The following PXDNL variants were observed in gnomAD, a reference collection of about 807,000 sequenced individuals.
PXDNL encodes the protein probable oxidoreductase PXDNL.
A neutral mutation model predicts 150.8 loss-of-function variants in PXDNL; 145 were observed. That is an observed-to-expected ratio of 0.96 (90% CI 0.84 to 1.10). The LOEUF (loss-of-function observed/expected upper bound fraction) is 1.10. Among genes scored for constraint, PXDNL ranks in the 50% least tolerant of loss-of-function variants. PXDNL has a pLI of 0.00. For synonymous variants in PXDNL, 757 were observed against 725.7 expected (o/e 1.04, Z -0.69); for missense variants, 2,087 against 1,873.9 (o/e 1.11, Z -2.10).
intron 17 of PXDNL, among the ~76,000 whole-genome samples, chr8:51,405,959 A>C (rs148255812): frequency 3.3e-4 from 50 of 152,340 alleles, no homozygotes; most frequent in Middle Eastern, 3.4e-3. Context: ...TAGGCATGAA[A>C]GGAACAAATA....
chr8:51,621,716 G>A (rs1005477203), intron 2 of PXDNL, among the ~76,000 whole-genome samples: 2 of 152,114 alleles, frequency 1.3e-5, no homozygotes, highest in Non-Finnish European at 2.9e-5. Flanking sequence ...GAGGTGGGCG[G>A]ATCACTTGAG....
intron 1 of PXDNL, among the ~76,000 whole-genome samples, chr8:51,696,524 T>G (rs550306256): frequency 1.3e-5 from 2 of 152,316 alleles, no homozygotes; most frequent in Non-Finnish European, 2.9e-5. Context: ...CTGATTCAAC[T>G]GGGAGGATCT....
intron 1 of PXDNL, among the ~76,000 whole-genome samples, chr8:51,710,284 T>A (rs1816469487): frequency 1.3e-5 from 2 of 152,306 alleles, no homozygotes; most frequent in South Asian, 4.1e-4. Flanking sequence ...AACATGAAAT[T>A]GTCTCTTTTT....
chr8:51,408,748 T>C lies in PXDNL; in HGVS notation c.2876A>G (p.His959Arg). 1 of 1,586,148 alleles carries C rather than the reference T, an allele frequency of 6.3e-7. No homozygotes were observed. Among genetic ancestry groups the C allele is most frequent in the Non-Finnish European group, 8.6e-7 (1 of 1,166,282 alleles). ...QESPCFLAGDHRANEHLALAA... is the reference protein window; with the variant it reads ...QESPCFLAGDRRANEHLALAA... Reference sequence around the variant, plus strand: ...CAGAGCCAGATGCTCGTTGGCCCGGTGGTCCCCGGCCAGGAAACAGGGGCT... The same window carrying C: ...CAGAGCCAGATGCTCGTTGGCCCGGCGGTCCCCGGCCAGGAAACAGGGGCT... Residue 959 changes from histidine (H) to arginine (R), a missense_variant, in exon 17 of 23, where the codon CAC becomes CGC. His to Arg is a conservative substitution (Grantham distance 29, BLOSUM62 0). Transcript: ENST00000356297.
chr8:51,540,940 G>T (rs1812201990), intron 4 of PXDNL, among the ~76,000 whole-genome samples: 1 of 151,054 alleles, frequency 6.6e-6, no homozygotes, highest in Non-Finnish European at 1.5e-5. Context: ...CTTGGGTGCA[G>T]ATGTTGTTAT....
At chr8:51,576,328 C>A (rs1813053528) in intron 3 of PXDNL, among the ~76,000 whole-genome samples, 1 of 151,096 alleles carries the variant, frequency 6.6e-6, no homozygotes, top group African/African-American at 2.4e-5. Context: ...TGAAATCATA[C>A]AGAGTATATT....
intron 1 of PXDNL, among the ~76,000 whole-genome samples, chr8:51,676,781 A>G (rs1263919254): frequency 6.6e-6 from 1 of 152,218 alleles, no homozygotes; most frequent in Non-Finnish European, 1.5e-5. Context: ...TCTCATCACT[A>G]TGTATTATCA....
intron 21 of PXDNL, among the ~76,000 whole-genome samples, chr8:51,333,942 TC>T (rs1805767412): frequency 6.6e-6 from 1 of 152,076 alleles, no homozygotes; most frequent in Non-Finnish European, 1.5e-5. Flanking sequence ...AAATAATGGA[TC>T]TAAACTATGC....
At chr8:51,581,698 G>T (rs1813216436) in intron 3 of PXDNL, among the ~76,000 whole-genome samples, 1 of 151,994 alleles carries the variant, frequency 6.6e-6, no homozygotes, top group African/African-American at 2.4e-5. Context: ...TAGCATCCTT[G>T]CCTGGCTTTG....
At chr8:51,386,082 G>T (rs936575185) in intron 17 of PXDNL, among the ~76,000 whole-genome samples, 1 of 151,424 alleles carries the variant, frequency 6.6e-6, no homozygotes, top group African/African-American at 2.4e-5. Context: ...TAACAGAAAT[G>T]TTGGGTGATT....
At chr8:51,608,054 AAAGC>A (rs755666717) in intron 2 of PXDNL, among the ~76,000 whole-genome samples, 2,365 of 111,022 alleles carry the variant, frequency 0.021, 156 homozygotes, top group Admixed American at 0.025. Flanking sequence ...AGAAAGAAAG[AAAGC>A]AAGCAAGCAA....
At chr8:51,681,255 G>A (rs974778826) in intron 1 of PXDNL, among the ~76,000 whole-genome samples, 20 of 151,580 alleles carry the variant, frequency 1.3e-4, no homozygotes, top group African/African-American at 4.4e-4. Flanking sequence ...GCCCCCTAAC[G>A]CCACCAGTCA....
At chr8:51,782,174 G>C (rs2037421783) in intron 1 of PXDNL, among the ~76,000 whole-genome samples, 1 of 152,126 alleles carries the variant, frequency 6.6e-6, no homozygotes, top group Non-Finnish European at 1.5e-5. Flanking sequence ...CTCTTACAAG[G>C]GGCCTACTGC....
At chr8:51,620,092 A>G (rs532701399) in intron 2 of PXDNL, among the ~76,000 whole-genome samples, 42 of 152,342 alleles carry the variant, frequency 2.8e-4, no homozygotes, top group African/African-American at 1.0e-3. Flanking sequence ...TTTTGCCCTC[A>G]TATCTCAAAA....
At chr8:51,415,950 C>CA (rs1469210030) in intron 14 of PXDNL, among the ~76,000 whole-genome samples, 5 of 151,884 alleles carry the variant, frequency 3.3e-5, no homozygotes, top group Non-Finnish European at 7.4e-5. Context: ...CTTATGTGTT[C>CA]AAAAAAAGTC....
intron 19 of PXDNL, among the ~76,000 whole-genome samples, chr8:51,354,491 A>G (rs1192155234): frequency 6.6e-6 from 1 of 152,090 alleles, no homozygotes; most frequent in Non-Finnish European, 1.5e-5. Flanking sequence ...TGATGTTAAA[A>G]TGTCAAGATT....
chr8:51,547,517 A>T (rs138297001), intron 4 of PXDNL, among the ~76,000 whole-genome samples: 81 of 151,892 alleles, frequency 5.3e-4, no homozygotes, highest in African/African-American at 1.6e-3. Flanking sequence ...ACATCACAAG[A>T]CTCTTTGCAG....
At chr8:51,551,854 C>A (rs7839380) in intron 4 of PXDNL, among the ~76,000 whole-genome samples, 71,926 of 152,042 alleles carry the variant, frequency 0.47, 20,486 homozygotes, top group African/African-American at 0.8. Flanking sequence ...AAGCCTCTGC[C>A]CTGCAAAAGA....
At chr8:51,773,277 C>A (rs1047021171) in intron 1 of PXDNL, among the ~76,000 whole-genome samples, 1 of 152,158 alleles carries the variant, frequency 6.6e-6, no homozygotes, top group Non-Finnish European at 1.5e-5. Flanking sequence ...TTTAAAAAAT[C>A]ATATTCAAGG....
Sources: allele counts gnomAD v4.1 joint callset (sites outside exome capture counted in the v4.1 genomes callset), GRCh38; gene constraint gnomAD v4.1.1; transcripts MANE v1.5; gene names NCBI Gene and HGNC (gene_info 2026-07-23, HGNC 2026-07-21).